SLC35E3: variants seen among roughly 807,000 people sequenced by gnomAD.
SLC35E3 encodes the protein bladder cancer-overexpressed gene 1 protein.
In SLC35E3, 28 loss-of-function variants were observed where a neutral mutation model predicts 30.8. That is an observed-to-expected ratio of 0.91 (90% CI 0.67 to 1.25). SLC35E3 has a LOEUF of 1.25. Among genes scored for constraint, SLC35E3 ranks in the 50% most tolerant of loss-of-function variants. The pLI is 0.00. For synonymous variants in SLC35E3, 146 were observed against 149.2 expected (o/e 0.98, Z 0.16); for missense variants, 365 against 375.4 (o/e 0.97, Z 0.23).
intron 3 of SLC35E3, among the ~76,000 whole-genome samples, chr12:68,757,140 A>C (rs1177338744): frequency 6.6e-6 from 1 of 152,214 alleles, no homozygotes; most frequent in Non-Finnish European, 1.5e-5. Flanking sequence ...ACCTTAATTT[A>C]ATAAAAGCCG....
At chr12:68,763,310 G>A (rs1270709442) in intron 4 of SLC35E3, among the ~76,000 whole-genome samples, 1 of 152,100 alleles carries the variant, frequency 6.6e-6, no homozygotes, top group African/African-American at 2.4e-5. Flanking sequence ...TACATCTGAA[G>A]AACAAGAGAG....
At chr12:68,763,463 C>T (rs1879290278) in intron 4 of SLC35E3, among the ~76,000 whole-genome samples, 1 of 150,452 alleles carries the variant, frequency 6.6e-6, no homozygotes, top group African/African-American at 2.5e-5. Context: ...GATCTCGGCT[C>T]ACTGCAACCT....
intron 1 of SLC35E3, among the ~76,000 whole-genome samples, chr12:68,747,058 C>A (rs1362532042): frequency 6.6e-6 from 1 of 152,140 alleles, no homozygotes; most frequent in African/African-American, 2.4e-5. Flanking sequence ...TGGTACAGTC[C>A]AGTGTTATCA....
Position 68,752,101 on chromosome 12 carries a change from T to A in SLC35E3, c.583T>A (p.Ser195Thr). The A allele has an allele frequency of 6.2e-7, 1 of 1,613,982 alleles. No individual in the cohort carries two copies. Among genetic ancestry groups the A allele is most frequent in the Non-Finnish European group, 8.5e-7 (1 of 1,179,998 alleles). ...MQLLYYQAPMSSAMLLVAVPF... is the reference protein window; with the variant it reads ...MQLLYYQAPMTSAMLLVAVPF... ...GCTGCTGTACTACCAGGCTCCGATG[T>A]CATCTGCCATGTTGCTGGTTGCTGT... Residue 195 changes from serine (S) to threonine (T), a missense_variant, in exon 3 of 5, where the codon TCA becomes ACA. By Grantham distance (58) the Ser-to-Thr change is moderately conservative (BLOSUM62 1). Transcript: ENST00000398004.
rs1331526417 is a variant in SLC35E3, at chr12:68,775,902, C to A, written c.*11012C>A. ...GGCAGAGGTTGCAGTAAGCTGGAAT[C>A]ACACTATTACACTCCAGCCTGGGTG... On this transcript the variant is annotated 3_prime_UTR_variant, in exon 5 of 5. Coordinates refer to ENST00000398004, the MANE Select transcript of SLC35E3 (RefSeq NM_018656.5). 1.7e-5 allele frequency: 2 copies of A among 118,236 alleles called. No individual in the cohort carries two copies. The highest frequency in any genetic ancestry group is 6.6e-5 in the African/African-American group (2 of 30,348). 7.3% of individuals were successfully genotyped at this position (118,236 alleles called of 1,614,324 possible).
chr12:68,751,227 C>A (rs1031209828), intron 2 of SLC35E3, among the ~76,000 whole-genome samples: 2 of 151,968 alleles, frequency 1.3e-5, no homozygotes, highest in African/African-American at 4.8e-5. Context: ...CCTTTTCAAG[C>A]CACACACATT....
At chr12:68,760,171 C>T (rs1879192554) in intron 4 of SLC35E3, 2 of 152,392 alleles carry the variant, frequency 1.3e-5, no homozygotes, top group Non-Finnish European at 2.9e-5. Context: ...GAGAACCTAT[C>T]TCTACCAAAA....
intron 2 of SLC35E3, among the ~76,000 whole-genome samples, chr12:68,748,306 A>G (rs1878671436): frequency 6.6e-6 from 1 of 152,132 alleles, no homozygotes; most frequent in Non-Finnish European, 1.5e-5. Context: ...TTTCTGGGAA[A>G]TCTTTACAAA....
chr12:68,756,499 A>T (rs1333445750), intron 3 of SLC35E3, among the ~76,000 whole-genome samples: 1 of 151,554 alleles, frequency 6.6e-6, no homozygotes, highest in Non-Finnish European at 1.5e-5. Context: ...CCAGGAAAGG[A>T]CACAACCAAA....
intron 3 of SLC35E3, among the ~76,000 whole-genome samples, chr12:68,753,007 G>A (rs1480871417): frequency 6.6e-6 from 1 of 151,776 alleles, no homozygotes; most frequent in Non-Finnish European, 1.5e-5. Context: ...TAAGCCAGGC[G>A]TGGTGGCACA....
chr12:68,749,352 A>G (rs1878708752), intron 2 of SLC35E3, among the ~76,000 whole-genome samples: 1 of 152,248 alleles, frequency 6.6e-6, no homozygotes, highest in African/African-American at 2.4e-5. Context: ...ATCTGCCCAC[A>G]GTATCTTGGG....
Position 68,768,274 on chromosome 12 carries a change from A to C in SLC35E3, c.*3384A>C, listed in dbSNP as rs2136082730. ...ATTGCACACCAGCCTGGGTGACGAG[A>C]GTGAAACTCTGTCTCAAAAAAAGAA... On this transcript the variant is annotated 3_prime_UTR_variant, in exon 5 of 5. Transcript: ENST00000398004. 6.6e-6 allele frequency: 1 copy of C among 151,858 alleles called. No homozygotes were observed. The highest frequency in any genetic ancestry group is 1.9e-4 in the East Asian group (1 of 5,162). The allele number at this position is 151,858 out of a possible 1,614,324, so 9.4% of individuals were successfully genotyped here.
At chr12:68,755,463 C>T (rs182681178) in intron 3 of SLC35E3, among the ~76,000 whole-genome samples, 2 of 152,124 alleles carry the variant, frequency 1.3e-5, no homozygotes, top group African/African-American at 4.8e-5. Context: ...ATCTTCATAA[C>T]TTTATTAGGT....
chr12:68,779,182 A>G lies in SLC35E3; in HGVS notation c.*14292A>G, dbSNP rs1879821502. 1 of 152,296 alleles carries G rather than the reference A, an allele frequency of 6.6e-6. No homozygotes were observed. Among genetic ancestry groups the G allele is most frequent in the African/African-American group, 2.4e-5 (1 of 41,452 alleles). The allele number at this position is 152,296 out of a possible 1,614,324, so 9.4% of individuals were successfully genotyped here. ...GAGTGCAGTGCCTTTTTGCAGGCACAATCATAGTGCACTGCAGCCCTGAAC... is the reference window on the plus strand; with the variant it reads ...GAGTGCAGTGCCTTTTTGCAGGCACGATCATAGTGCACTGCAGCCCTGAAC... On this transcript the variant is annotated 3_prime_UTR_variant, in exon 5 of 5. Coordinates refer to ENST00000398004, the MANE Select transcript of SLC35E3 (RefSeq NM_018656.5).
rs1879454488 is a variant in SLC35E3 at position 68,767,221 on chromosome 12, A to G, written c.*2331A>G. 6.6e-6 allele frequency: 1 copy of G among 152,268 alleles called. No homozygotes were observed. The highest frequency in any genetic ancestry group is 2.4e-5 in the African/African-American group (1 of 41,464). 9.4% of individuals were successfully genotyped at this position (152,268 alleles called of 1,614,324 possible). The stretch of plus-strand genomic sequence containing the variant: ...ATTAAAAGCAGTTGTTGATAATTTC[A>G]TATAATAAATTGAGACATATCATTA... On this transcript the variant is annotated 3_prime_UTR_variant, in exon 5 of 5. Transcript: ENST00000398004.
In SLC35E3 at chr12:68,772,098, C is replaced by G. The variant is rs1221471590; in HGVS notation, c.*7208C>G. 2 of 151,336 alleles carry G rather than the reference C, an allele frequency of 1.3e-5. No homozygotes were observed. Among genetic ancestry groups the G allele is most frequent in the Non-Finnish European group, 2.9e-5 (2 of 67,918 alleles). 9.4% of individuals were successfully genotyped at this position (151,336 alleles called of 1,614,324 possible). Reference sequence around the variant, plus strand: ...TGTCTCCCAGGCTTGGTTGTTGTGGCTCAATCTCAGTTCACTGCAACCTCC... The same window carrying G: ...TGTCTCCCAGGCTTGGTTGTTGTGGGTCAATCTCAGTTCACTGCAACCTCC... On this transcript the variant is annotated 3_prime_UTR_variant, in exon 5 of 5. Transcript: ENST00000398004.
In SLC35E3 at chr12:68,746,276, T is replaced by A; in HGVS notation, c.-102T>A. The stretch of plus-strand genomic sequence containing the variant: ...TGCATGCCACTCCTGGGTCAGACGG[T>A]GAGGTCGGCGTCTGCGAGGACGCGG... On this transcript the variant is annotated 5_prime_UTR_variant, in exon 1 of 5. Coordinates refer to ENST00000398004, the MANE Select transcript of SLC35E3 (RefSeq NM_018656.5). The A allele has an allele frequency of 8.7e-7, 1 of 1,155,292 alleles. No individual in the cohort carries two copies. Among genetic ancestry groups the A allele is most frequent in the Non-Finnish European group, 1.2e-6 (1 of 828,820 alleles). 71.6% of individuals were successfully genotyped at this position (1,155,292 alleles called of 1,614,324 possible). A position where few individuals can be genotyped will look rare whatever the true frequency, so the allele number is the denominator to read the frequency against.
intron 2 of SLC35E3, among the ~76,000 whole-genome samples, chr12:68,748,748 A>T (rs1258604478): frequency 6.6e-6 from 1 of 152,168 alleles, no homozygotes; most frequent in African/African-American, 2.4e-5. Flanking sequence ...TATTCTCTCT[A>T]TACTGAAAAC....
At position 68,764,902 on chromosome 12, in the gene SLC35E3, T is replaced by A. The variant is rs775116420; in HGVS notation, c.*12T>A. 6.2e-7 allele frequency: 1 copy of A among 1,609,582 alleles called. No individual in the cohort carries two copies. Among genetic ancestry groups the A allele is most frequent in the Non-Finnish European group, 8.5e-7 (1 of 1,177,482 alleles). ...CACAACGTCCTTAATTGGGTTTTTG[T>A]GGAGAAAAGAATGTTGTCCCAAGAA... On this transcript the variant is annotated 3_prime_UTR_variant, in exon 5 of 5. Coordinates refer to ENST00000398004, the MANE Select transcript of SLC35E3 (RefSeq NM_018656.5).
Sources: gnomAD v4.1 joint callset for allele counts (sites outside exome capture counted in the v4.1 genomes callset) on GRCh38, gnomAD v4.1.1 for gene constraint, MANE v1.5 for transcripts, NCBI Gene and HGNC (gene_info 2026-07-23, HGNC 2026-07-21) for gene names.